Variants in GABRB1 observed in about 807,000 individuals in gnomAD.
GABRB1 encodes gamma-aminobutyric acid type A receptor subunit beta1, also known as gamma-aminobutyric acid receptor subunit beta-1.
GABRB1 carries 17 observed loss-of-function variants against 51.6 expected under a neutral mutation model. That is an observed-to-expected ratio of 0.33 (90% CI 0.23 to 0.49). The LOEUF (loss-of-function observed/expected upper bound fraction) is 0.49. Ranked by LOEUF, GABRB1 falls within the 20% of genes least tolerant of loss-of-function variation. GABRB1 has a pLI of 0.99. For missense variants in GABRB1, 410 were observed against 600.6 expected (o/e 0.68, Z 3.32); for synonymous variants, 247 against 218.9 (o/e 1.13, Z -1.14).
chr4:47,194,623 C>G (rs563643188), intron 4 of GABRB1, among the ~76,000 whole-genome samples: 1 of 152,298 alleles, frequency 6.6e-6, no homozygotes, highest in South Asian at 2.1e-4. Flanking sequence ...ACTAGCACAT[C>G]AGTGCTGCAC....
chr4:47,044,785 T>A (rs962399816), intron 3 of GABRB1, among the ~76,000 whole-genome samples: 1 of 152,086 alleles, frequency 6.6e-6, no homozygotes, highest in African/African-American at 2.4e-5. Context: ...GTTTTCATCA[T>A]GCAGTTGAAA....
chr4:47,128,808 G>C (rs952860941), intron 3 of GABRB1, among the ~76,000 whole-genome samples: 1 of 151,656 alleles, frequency 6.6e-6, no homozygotes, highest in Non-Finnish European at 1.5e-5. Flanking sequence ...CTTTACCTTC[G>C]GATTTTGCCA....
chr4:47,267,957 C>T (rs1260310684), intron 4 of GABRB1, among the ~76,000 whole-genome samples: 2 of 152,072 alleles, frequency 1.3e-5, no homozygotes, highest in African/African-American at 2.4e-5. Flanking sequence ...ATGAAATTAG[C>T]ACCTCCTGAA....
intron 1 of GABRB1, among the ~76,000 whole-genome samples, chr4:47,016,387 T>C (rs959707885): frequency 2.0e-5 from 3 of 152,168 alleles, no homozygotes; most frequent in African/African-American, 7.2e-5. Context: ...CCGTCTCTTT[T>C]AATAATGTGT....
intron 5 of GABRB1, among the ~76,000 whole-genome samples, chr4:47,386,014 G>A (rs1578138309): frequency 6.6e-6 from 1 of 152,310 alleles, no homozygotes; most frequent in Non-Finnish European, 1.5e-5. Flanking sequence ...ACCTTGATGT[G>A]TTCACCAGCC....
chr4:47,409,463 G>C (rs1728688733), intron 8 of GABRB1, among the ~76,000 whole-genome samples: 1 of 152,148 alleles, frequency 6.6e-6, no homozygotes, highest in African/African-American at 2.4e-5. Flanking sequence ...ACCATCTCCA[G>C]CCAAACTTCT....
chr4:47,381,682 C>A (rs1578135800), intron 5 of GABRB1, among the ~76,000 whole-genome samples: 2 of 152,280 alleles, frequency 1.3e-5, no homozygotes, highest in East Asian at 3.9e-4. Flanking sequence ...TAGAACCCAG[C>A]TTGAAGGGTC....
At chr4:47,165,126 T>G (rs1718120912) in intron 4 of GABRB1, among the ~76,000 whole-genome samples, 1 of 152,098 alleles carries the variant, frequency 6.6e-6, no homozygotes, top group Non-Finnish European at 1.5e-5. Flanking sequence ...CCTTTCTTAC[T>G]TAAAAGCGGA....
At position 47,122,220 on chromosome 4, in the gene GABRB1, TA is replaced by T. The variant is rs1460241803; in HGVS notation, c.241-39028del. Among the ~76,000 whole-genome samples, 12 of 152,264 alleles carry T rather than the reference TA, an allele frequency of 7.9e-5. No individual in the cohort carries two copies. In the South Asian group the frequency reaches 2.1e-3, roughly 26 times the overall value. ...TTTGAATCATCAGTGGCCAAGGAAATACTTTTCTGCAGAGAGGTTTAAATTT... is the reference window on the plus strand; with the variant it reads ...TTTGAATCATCAGTGGCCAAGGAAATCTTTTCTGCAGAGAGGTTTAAATTT... On this transcript the variant is annotated intron_variant, in intron 3 of 8. Transcript: ENST00000295454.
intron 4 of GABRB1, among the ~76,000 whole-genome samples, chr4:47,208,020 T>C (rs1720209202): frequency 6.6e-6 from 1 of 152,076 alleles, no homozygotes; most frequent in Non-Finnish European, 1.5e-5. Flanking sequence ...AAAATGATTT[T>C]TCTGACTATA....
At chr4:47,149,227 A>G (rs1472384324) in intron 3 of GABRB1, among the ~76,000 whole-genome samples, 1 of 152,082 alleles carries the variant, frequency 6.6e-6, no homozygotes, top group East Asian at 1.9e-4. Flanking sequence ...ATTATTATTA[A>G]GTATTTAGGG....
chr4:47,246,327 CACATATGTACAT>C (rs1560295619), intron 4 of GABRB1, among the ~76,000 whole-genome samples: 1 of 58,576 alleles, frequency 1.7e-5, no homozygotes, highest in African/African-American at 6.4e-5. Flanking sequence ...CACACACACA[CACATATGTACAT>C]ATATATATAT....
intron 4 of GABRB1, among the ~76,000 whole-genome samples, chr4:47,300,321 C>T (rs1724209059): frequency 6.6e-6 from 1 of 151,836 alleles, no homozygotes; most frequent in South Asian, 2.1e-4. Context: ...AGTGATTATT[C>T]ATTAATTAAG....
chr4:47,363,165 G>A (rs1051047648), intron 5 of GABRB1, among the ~76,000 whole-genome samples: 2 of 152,046 alleles, frequency 1.3e-5, no homozygotes, highest in African/African-American at 4.8e-5. Flanking sequence ...AGGTAGAGTG[G>A]TAAGCACTTT....
chr4:47,233,220 G>C (rs1047827054), intron 4 of GABRB1, among the ~76,000 whole-genome samples: 2 of 151,920 alleles, frequency 1.3e-5, no homozygotes, highest in Admixed American at 1.3e-4. Flanking sequence ...TCTTCTTATT[G>C]TCTTTCTCTT....
chr4:47,334,772 C>A (rs1685498521), intron 5 of GABRB1, among the ~76,000 whole-genome samples: 1 of 152,116 alleles, frequency 6.6e-6, no homozygotes, highest in African/African-American at 2.4e-5. Context: ...TTAAACTATT[C>A]TTGATGTAAA....
At chr4:47,198,430 G>T (rs1375066712) in intron 4 of GABRB1, among the ~76,000 whole-genome samples, 1 of 152,168 alleles carries the variant, frequency 6.6e-6, no homozygotes, top group Non-Finnish European at 1.5e-5. Context: ...TGAAGGAACT[G>T]TTGGGAGAAA....
chr4:47,389,170 T>C (rs530417099), intron 5 of GABRB1, among the ~76,000 whole-genome samples: 3 of 152,330 alleles, frequency 2.0e-5, no homozygotes, highest in South Asian at 2.1e-4. Context: ...CAGTTCCTCA[T>C]TGGTTGAGTA....
intron 4 of GABRB1, among the ~76,000 whole-genome samples, chr4:47,296,733 T>A (rs1018946112): frequency 4.7e-4 from 72 of 152,098 alleles, no homozygotes; most frequent in African/African-American, 1.6e-3. Context: ...ACCCAGGAAT[T>A]GAACTCAGCT....
Sources: gnomAD v4.1 joint callset for allele counts (sites outside exome capture counted in the v4.1 genomes callset) on GRCh38, gnomAD v4.1.1 for gene constraint, MANE v1.5 for transcripts, NCBI Gene and HGNC (gene_info 2026-07-23, HGNC 2026-07-21) for gene names.